Variants in SCAMP1 observed in about 807,000 individuals in gnomAD.
SCAMP1 encodes the protein secretory carrier-associated membrane protein 1.
A neutral mutation model predicts 41.8 loss-of-function variants in SCAMP1; 15 were observed. The ratio of observed to expected loss-of-function variants is 0.36; its 90% confidence interval spans 0.24 to 0.55. The LOEUF is 0.55. Ranked by LOEUF, SCAMP1 falls within the 20% of genes least tolerant of loss-of-function variation. The probability of loss-of-function intolerance (pLI) is 0.86; values close to 1 mark genes in which losing one functional copy is unlikely to be tolerated. For missense variants in SCAMP1, 341 were observed against 412.6 expected (o/e 0.83, Z 1.50); for synonymous variants, 135 against 136.8 (o/e 0.99, Z 0.09).
At position 78,360,622 on chromosome 5, in the gene SCAMP1, G is replaced by C. The variant is rs1561244816; in HGVS notation, c.-50G>C. The C allele has an allele frequency of 4.5e-6, 7 of 1,559,162 alleles. No individual in the cohort carries two copies. The highest frequency in any genetic ancestry group is 2.4e-5 in the East Asian group (1 of 41,950). ...CGCAGGGGGGCGGCGGCCTCGCCTC[G>C]TCTCTCTCTCTGCGCCTGGGTCGGG... is the stretch of plus-strand genomic sequence containing the variant. On this transcript the variant is annotated 5_prime_UTR_variant, in exon 1 of 9. Transcript: ENST00000621999.
intron 8 of SCAMP1, among the ~76,000 whole-genome samples, chr5:78,468,228 A>G (rs1363475214): frequency 1.3e-5 from 2 of 152,206 alleles, no homozygotes; most frequent in African/African-American, 4.8e-5. Context: ...AAATATTGAA[A>G]GAATATATGT....
At chr5:78,402,045 A>T (rs977990416) in intron 2 of SCAMP1, among the ~76,000 whole-genome samples, 1 of 152,104 alleles carries the variant, frequency 6.6e-6, no homozygotes, top group Non-Finnish European at 1.5e-5. Context: ...CTTAGCTCAA[A>T]ATACTTTAAA....
In SCAMP1 at chr5:78,414,936, T is replaced by G. The variant is rs139740287; in HGVS notation, c.136-584T>G. On this transcript the variant is annotated intron_variant, in intron 2 of 8. Coordinates refer to ENST00000621999, the MANE Select transcript of SCAMP1 (RefSeq NM_004866.6). Reference sequence around the variant, plus strand: ...CTTTTGTCTGGTTCTATCTGTATTTTACTATTAAACTCAAAAGTTCTTTTT... The same window carrying G: ...CTTTTGTCTGGTTCTATCTGTATTTGACTATTAAACTCAAAAGTTCTTTTT... Among the ~76,000 whole-genome samples, 12 of 151,290 alleles carry G rather than the reference T, an allele frequency of 7.9e-5. 1 individual carries two copies. The highest frequency in any genetic ancestry group is 2.9e-4 in the African/African-American group (12 of 40,966).
rs746824061 is a variant in SCAMP1 at position 78,477,749 on chromosome 5, A to T, written c.*2081A>T. 1.3e-5 allele frequency: 2 copies of T among 152,198 alleles called. No individual in the cohort carries two copies. The highest frequency in any genetic ancestry group is 2.9e-5 in the Non-Finnish European group (2 of 67,988). The allele number at this position is 152,198 out of a possible 1,614,324, so 9.4% of individuals were successfully genotyped here. ...AAATGTTTTAAAATCCAGTTATTTA[A>T]TATGAGTTTGAGAGAGAAAATTGTT... On this transcript the variant is annotated 3_prime_UTR_variant, in exon 9 of 9. Coordinates refer to ENST00000621999, the MANE Select transcript of SCAMP1 (RefSeq NM_004866.6).
chr5:78,460,079 A>G (rs368035973), intron 8 of SCAMP1, among the ~76,000 whole-genome samples: 198 of 152,342 alleles, frequency 1.3e-3, no homozygotes, highest in African/African-American at 4.6e-3. Flanking sequence ...GCTACGAAGG[A>G]CATAATTTCA....
In SCAMP1 at chr5:78,441,095, G is replaced by A. The variant is rs143707754; in HGVS notation, c.633-8838G>A. On this transcript the variant is annotated intron_variant, in intron 6 of 8. Transcript: ENST00000621999. ...AGGGTGGAAGTGTCCCGATTTTCCA[G>A]GTACCATCTTTCATGGCTTCCCTTG... is the stretch of plus-strand genomic sequence containing the variant. 8.1e-4 allele frequency among the ~76,000 whole-genome samples: 124 copies of A among 152,276 alleles called. No homozygotes were observed. In the East Asian group the frequency reaches 0.021, roughly 25 times the overall value.
At chr5:78,375,975 A>G (rs1751054348) in intron 1 of SCAMP1, among the ~76,000 whole-genome samples, 3 of 152,336 alleles carry the variant, frequency 2.0e-5, no homozygotes, top group South Asian at 4.1e-4. Flanking sequence ...TTTACTCCAT[A>G]TAAAGAATCT....
intron 2 of SCAMP1, among the ~76,000 whole-genome samples, chr5:78,413,606 C>T (rs4529173): frequency 0.18 from 28,070 of 151,954 alleles, 3,215 homozygotes; most frequent in Admixed American, 0.34. Context: ...TTAGTAGAGA[C>T]GAGGTTTCAC....
At chr5:78,373,863 C>G (rs930998676) in intron 1 of SCAMP1, among the ~76,000 whole-genome samples, 3 of 152,064 alleles carry the variant, frequency 2.0e-5, no homozygotes, top group African/African-American at 7.2e-5. Flanking sequence ...ATTTGAAAAA[C>G]AAACAAAACA....
chr5:78,445,508 C>G (rs1439845204), intron 6 of SCAMP1, among the ~76,000 whole-genome samples: 1 of 152,078 alleles, frequency 6.6e-6, no homozygotes, highest in Non-Finnish European at 1.5e-5. Context: ...ATTTTTAAAT[C>G]TATATTTCTG....
At chr5:78,456,729 C>T (rs1432465938) in intron 7 of SCAMP1, among the ~76,000 whole-genome samples, 1 of 149,618 alleles carries the variant, frequency 6.7e-6, no homozygotes, top group African/African-American at 2.5e-5. Context: ...TGAGCGTTGG[C>T]CTGCCTTGCT....
intron 6 of SCAMP1, among the ~76,000 whole-genome samples, chr5:78,433,229 G>A (rs1289415027): frequency 6.6e-6 from 1 of 152,104 alleles, no homozygotes; most frequent in Non-Finnish European, 1.5e-5. Context: ...TGTGAATATG[G>A]TTTTCTTGAT....
At chr5:78,394,513 C>T (rs1293405920) in intron 2 of SCAMP1, among the ~76,000 whole-genome samples, 2 of 152,080 alleles carry the variant, frequency 1.3e-5, no homozygotes, top group Admixed American at 1.3e-4. Context: ...ACCACCATGC[C>T]TAGCTGAGTT....
At chr5:78,460,613 T>G (rs1386112026) in intron 8 of SCAMP1, among the ~76,000 whole-genome samples, 1 of 151,974 alleles carries the variant, frequency 6.6e-6, no homozygotes, top group Admixed American at 6.6e-5. Context: ...CTTGTTGATT[T>G]GTTTAAGTCC....
intron 1 of SCAMP1, among the ~76,000 whole-genome samples, chr5:78,376,702 G>A (rs536194586): frequency 6.6e-6 from 1 of 152,286 alleles, no homozygotes; most frequent in Non-Finnish European, 1.5e-5. Context: ...GCTGATTCTG[G>A]CTTATTATGA....
intron 8 of SCAMP1, among the ~76,000 whole-genome samples, chr5:78,464,325 G>A (rs1753688354): frequency 6.6e-6 from 1 of 151,926 alleles, no homozygotes; most frequent in African/African-American, 2.4e-5. Flanking sequence ...TGTATTTTTA[G>A]TAGAGACAGG....
chr5:78,372,153 T>C (rs1175853071), intron 1 of SCAMP1, among the ~76,000 whole-genome samples: 2 of 152,230 alleles, frequency 1.3e-5, no homozygotes, highest in African/African-American at 4.8e-5. Flanking sequence ...GTTATATACA[T>C]GCTAACGGCA....
intron 7 of SCAMP1, among the ~76,000 whole-genome samples, chr5:78,452,933 G>T (rs575484429): frequency 6.7e-6 from 1 of 150,070 alleles, no homozygotes; most frequent in South Asian, 2.2e-4. Flanking sequence ...TTTCTCTGAT[G>T]GCCACTGATG....
chr5:78,390,477 A>G (rs1751456940), intron 2 of SCAMP1, among the ~76,000 whole-genome samples: 2 of 152,144 alleles, frequency 1.3e-5, no homozygotes, highest in Admixed American at 1.3e-4. Flanking sequence ...CTTATAATGA[A>G]TTAGTGCTGT....
Sources: gnomAD v4.1 joint callset for allele counts (sites outside exome capture counted in the v4.1 genomes callset) on GRCh38, gnomAD v4.1.1 for gene constraint, MANE v1.5 for transcripts, NCBI Gene and HGNC (gene_info 2026-07-23, HGNC 2026-07-21) for gene names.